AOPEP: variants seen among roughly 807,000 people sequenced by gnomAD.
AOPEP encodes the protein aminopeptidase O (putative).
AOPEP carries 77 observed loss-of-function variants against 98.1 expected under a neutral mutation model. That is an observed-to-expected ratio of 0.78 (90% confidence interval 0.65 to 0.95). AOPEP has a LOEUF of 0.95. AOPEP is among the 40% of genes least tolerant of loss of function. The pLI is 0.00. For missense variants in AOPEP, 1,024 were observed against 1,024.7 expected (o/e 1.00, Z 0.01); for synonymous variants, 346 against 365.3 (o/e 0.95, Z 0.60).
chr9:95,110,694 C>G, the AOPEP span: 1 of 1,057,086 alleles, frequency 9.5e-7, no homozygotes, highest in Non-Finnish European at 1.1e-6. Flanking sequence ...AGAAGCAGGG[C>G]TCTATACAAA....
At chr9:95,107,167 C>G in the AOPEP span, 1 of 1,614,210 alleles carries the variant, frequency 6.2e-7, no homozygotes, top group Non-Finnish European at 8.5e-7. Context: ...GCTCTGAGGT[C>G]TGTGTCTGTG....
intron 7 of AOPEP, among the ~76,000 whole-genome samples, chr9:94,936,124 T>C (rs1212758525): frequency 1.3e-5 from 2 of 152,194 alleles, no homozygotes; most frequent in Non-Finnish European, 2.9e-5. Flanking sequence ...AAGTGTTTTC[T>C]ATTTTCTACT....
intron 13 of AOPEP, among the ~76,000 whole-genome samples, chr9:95,046,619 A>G (rs977870955): frequency 6.6e-6 from 1 of 152,220 alleles, no homozygotes; most frequent in African/African-American, 2.4e-5. Flanking sequence ...CGACCCAGCT[A>G]AGAACGACTT....
intron 5 of AOPEP, among the ~76,000 whole-genome samples, chr9:94,868,940 T>C (rs2046009141): frequency 6.6e-6 from 1 of 152,238 alleles, no homozygotes; most frequent in South Asian, 2.1e-4. Flanking sequence ...GTTTACTGTA[T>C]GTTTTTGGCC....
intron 11 of AOPEP, among the ~76,000 whole-genome samples, chr9:94,985,661 C>T (rs76974950): frequency 0.041 from 6,283 of 152,214 alleles, 436 homozygotes; most frequent in African/African-American, 0.14. Flanking sequence ...ATATGAACTA[C>T]GATATGTTTG....
intron 7 of AOPEP, among the ~76,000 whole-genome samples, chr9:94,936,244 A>G (rs1028182951): frequency 1.3e-5 from 2 of 152,072 alleles, no homozygotes; most frequent in African/African-American, 2.4e-5. Flanking sequence ...CCTGCAGGAA[A>G]ATCTTCAAGC....
chr9:94,872,787 G>C (rs540823545), intron 5 of AOPEP, among the ~76,000 whole-genome samples: 1 of 152,166 alleles, frequency 6.6e-6, no homozygotes, highest in Non-Finnish European at 1.5e-5. Flanking sequence ...AAGAAAAGAC[G>C]TGAAAGATGA....
the AOPEP span, chr9:95,113,620 A>C: frequency 4.0e-5 from 6 of 151,640 alleles, no homozygotes; most frequent in African/African-American, 1.5e-4. Context: ...CTCTACAAAA[A>C]AAAAAATTTT....
chr9:94,992,595 A>G (rs963913835), intron 11 of AOPEP, among the ~76,000 whole-genome samples: 13 of 152,216 alleles, frequency 8.5e-5, no homozygotes, highest in African/African-American at 3.1e-4. Flanking sequence ...CCTATAGTGG[A>G]TGAAGACGTC....
chr9:94,923,086 G>A (rs924784023), intron 5 of AOPEP, among the ~76,000 whole-genome samples: 1 of 152,114 alleles, frequency 6.6e-6, no homozygotes, highest in African/African-American at 2.4e-5. Context: ...TTTTTTTAAG[G>A]GCAAATTCTT....
chr9:95,107,720 AGGGCGGGG>A, the AOPEP span, among the ~76,000 whole-genome samples: 1 of 152,084 alleles, frequency 6.6e-6, no homozygotes, highest in Admixed American at 6.5e-5. Flanking sequence ...ATTGGGGGTC[AGGGCGGGG>A]GGTCGGGGGG....
chr9:94,871,113 T>C (rs1323624822), intron 5 of AOPEP, among the ~76,000 whole-genome samples: 1 of 152,226 alleles, frequency 6.6e-6, no homozygotes, highest in African/African-American at 2.4e-5. Flanking sequence ...TGGAGGGCAT[T>C]CTGATGCCCC....
intron 5 of AOPEP, among the ~76,000 whole-genome samples, chr9:94,853,521 CCTT>C (rs1476046754): frequency 1.3e-5 from 2 of 152,062 alleles, no homozygotes; most frequent in African/African-American, 4.8e-5. Flanking sequence ...TGTGTACTGT[CCTT>C]TTATCAGATG....
chr9:95,068,855 G>A (rs2097210137), intron 14 of AOPEP, among the ~76,000 whole-genome samples: 1 of 152,134 alleles, frequency 6.6e-6, no homozygotes, highest in Admixed American at 6.5e-5. Flanking sequence ...TTTCTTTCAT[G>A]GAGTAAAACG....
At chr9:95,129,858 T>C in the AOPEP span, among the ~76,000 whole-genome samples, 208 of 152,300 alleles carry the variant, frequency 1.4e-3, 1 homozygote, top group African/African-American at 4.9e-3. Context: ...CCCTCCCTCT[T>C]GTATAGACCC....
chr9:94,973,629 A>C (rs1314504210), intron 10 of AOPEP, among the ~76,000 whole-genome samples: 1 of 152,240 alleles, frequency 6.6e-6, no homozygotes, highest in Non-Finnish European at 1.5e-5. Flanking sequence ...CAGAGGGCAA[A>C]GCCACCTGCT....
chr9:95,068,604 T>C (rs1174146525), intron 14 of AOPEP, among the ~76,000 whole-genome samples: 1 of 152,228 alleles, frequency 6.6e-6, no homozygotes, highest in African/African-American at 2.4e-5. Flanking sequence ...TACTCTTATA[T>C]GATGGTATCC....
intron 14 of AOPEP, among the ~76,000 whole-genome samples, chr9:95,064,990 T>G (rs192451950): frequency 6.6e-6 from 1 of 152,342 alleles, no homozygotes; most frequent in East Asian, 1.9e-4. Flanking sequence ...CGTCTTCTGC[T>G]TTGGAGGGCT....
intron 7 of AOPEP, among the ~76,000 whole-genome samples, chr9:94,945,224 T>C (rs2057487998): frequency 6.6e-6 from 1 of 152,228 alleles, no homozygotes; most frequent in Non-Finnish European, 1.5e-5. Context: ...CATGCCATGC[T>C]ATACCTCCCA....
Sources: allele counts gnomAD v4.1 joint callset (sites outside exome capture counted in the v4.1 genomes callset), GRCh38; gene constraint gnomAD v4.1.1; transcripts MANE v1.5; gene names NCBI Gene and HGNC (gene_info 2026-07-23, HGNC 2026-07-21).